NEBL: variants seen among roughly 807,000 people sequenced by gnomAD.
NEBL encodes the protein nebulette, also known as LIM and SH3 protein 2.
In NEBL, 122 loss-of-function variants were observed where a neutral mutation model predicts 140.2. The observed-to-expected ratio is 0.87, with a 90% CI of 0.75 to 1.01. The LOEUF (loss-of-function observed/expected upper bound fraction) is 1.01, where lower values mean the gene tolerates loss of function less well. NEBL is among the 50% of genes least tolerant of loss of function. NEBL has a pLI of 0.00. For missense variants in NEBL, 1,365 were observed against 1,231.3 expected, an observed-to-expected ratio of 1.11 and a Z score of -1.62; for synonymous variants, 436 against 398.9, an observed-to-expected ratio of 1.09 and a Z score of -1.11.
chr10:21,030,524 G>A, intron 2 of NEBL: 1 of 807,100 alleles, frequency 1.2e-6, no homozygotes. Flanking sequence ...TTGGTGAAGT[G>A]AGGTTCTAAC....
chr10:20,819,031 T>TTCA (rs1235832616), intron 20 of NEBL: 1 of 1,021,412 alleles, frequency 9.8e-7, no homozygotes, highest in Non-Finnish European at 1.2e-6. Context: ...AATGATATGA[T>TTCA]TCATCCATAT....
At chr10:21,035,471 T>G (rs1833977499) in intron 2 of NEBL, among the ~76,000 whole-genome samples, 1 of 152,250 alleles carries the variant, frequency 6.6e-6, no homozygotes, top group Non-Finnish European at 1.5e-5. Context: ...AATCACACTT[T>G]CTTCCTAGGT....
intron 1 of NEBL, among the ~76,000 whole-genome samples, chr10:21,274,569 G>T (rs1300700768): frequency 5.9e-5 from 9 of 152,078 alleles, no homozygotes. Flanking sequence ...GGGATTACAT[G>T]AATGCACCTC....
intron 2 of NEBL, among the ~76,000 whole-genome samples, chr10:21,105,984 T>G (rs1265393979): frequency 3.3e-5 from 5 of 152,104 alleles, no homozygotes; most frequent in Admixed American, 3.3e-4. Flanking sequence ...ATAAATGTCT[T>G]CTTCTGAGAG....
At chr10:21,083,122 C>T (rs1024451799) in intron 2 of NEBL, among the ~76,000 whole-genome samples, 1 of 152,188 alleles carries the variant, frequency 6.6e-6, no homozygotes, top group African/African-American at 2.4e-5. Flanking sequence ...TGAGGAGAAA[C>T]ATTTACACTT....
At chr10:20,921,918 AAT>A (rs1833606135) in intron 4 of NEBL, among the ~76,000 whole-genome samples, 1 of 152,208 alleles carries the variant, frequency 6.6e-6, no homozygotes, top group African/African-American at 2.4e-5. Flanking sequence ...TACATATAAA[AAT>A]ATGTGTGAAC....
chr10:20,997,682 A>T (rs1837729362), intron 3 of NEBL, among the ~76,000 whole-genome samples: 1 of 152,012 alleles, frequency 6.6e-6, no homozygotes, highest in African/African-American at 2.4e-5. Context: ...ATGTTTTTGA[A>T]ATGTGAATAA....
chr10:21,057,220 A>C (rs2131867382), intron 2 of NEBL, among the ~76,000 whole-genome samples: 1 of 152,256 alleles, frequency 6.6e-6, no homozygotes, highest in African/African-American at 2.4e-5. Flanking sequence ...TTCAGAGAAA[A>C]GGGAGATGAC....
intron 2 of NEBL, among the ~76,000 whole-genome samples, chr10:21,169,058 AAAAAAAAAAAT>A (rs1453271316): frequency 3.5e-5 from 2 of 56,804 alleles, no homozygotes; most frequent in African/African-American, 1.2e-4. Context: ...ACAAAAAAAA[AAAAAAAAAAAT>A]ATATATATAT....
At chr10:20,869,603 G>C in intron 6 of NEBL, 137 bp downstream of exon 6, 1 of 695,464 alleles carries the variant, frequency 1.4e-6, no homozygotes, top group Non-Finnish European at 2.6e-6. Context: ...AGATAATTTA[G>C]GGGGGGAAAT....
intron 5 of NEBL, among the ~76,000 whole-genome samples, chr10:20,877,338 A>G (rs905098200): frequency 6.6e-6 from 1 of 152,254 alleles, no homozygotes; most frequent in Non-Finnish European, 1.5e-5. Flanking sequence ...CGTGTGCCCA[A>G]GAAACATTTT....
At chr10:21,087,373 T>C (rs1268391488) in intron 2 of NEBL, among the ~76,000 whole-genome samples, 1 of 152,210 alleles carries the variant, frequency 6.6e-6, no homozygotes. Context: ...TTTTTATTGA[T>C]GACCCAAGTT....
chr10:21,284,317 C>A (rs1843029915), intron 1 of NEBL, among the ~76,000 whole-genome samples: 1 of 151,196 alleles, frequency 6.6e-6, no homozygotes, highest in Admixed American at 6.6e-5. Flanking sequence ...TTCAGCTGCA[C>A]TGAGCTTTTG....
intron 2 of NEBL, chr10:21,030,492 C>A: frequency 1.3e-6 from 1 of 794,680 alleles, no homozygotes. Flanking sequence ...GTAATGCCAG[C>A]CCCTCCACCA....
chr10:20,994,132 C>T lies in NEBL; in HGVS notation c.249+25985G>A, dbSNP rs181256337. Among the ~76,000 whole-genome samples the T allele has an allele frequency of 2.2e-3, 337 of 152,314 alleles. 1 individual carries two copies. Among genetic ancestry groups the T allele is most frequent in the Non-Finnish European group, 3.3e-3 (222 of 68,036 alleles). Reference sequence around the variant, plus strand: ...CTTCCCATCCCGTAATTTAAACTGTCTTTCAGTTCAGCCAGCTAAATCATG... The same window carrying T: ...CTTCCCATCCCGTAATTTAAACTGTTTTTCAGTTCAGCCAGCTAAATCATG... On this transcript the variant is annotated intron_variant, in intron 3 of 6. Transcript: ENST00000417816.
intron 3 of NEBL, among the ~76,000 whole-genome samples, chr10:21,016,231 G>T (rs1020625712): frequency 6.6e-6 from 1 of 152,236 alleles, no homozygotes; most frequent in Non-Finnish European, 1.5e-5. Context: ...GCAGTCAGAG[G>T]CTGGCCAAGT....
At position 21,173,935 on chromosome 10, in the gene NEBL, G is replaced by T; in HGVS notation, c.-102C>A. The T allele has an allele frequency of 1.5e-5, 21 of 1,403,760 alleles. No homozygotes were observed. The highest frequency in any genetic ancestry group is 1.9e-5 in the Non-Finnish European group (21 of 1,090,912). The allele number at this position is 1,403,760 out of a possible 1,614,324, so 87.0% of individuals were successfully genotyped here. Reference sequence around the variant, plus strand: ...CGCACCGCCTCCTGGCAGGCGGGAGGGCTGCGGGCGGCGGGCGCCGGGTAG... The same window carrying T: ...CGCACCGCCTCCTGGCAGGCGGGAGTGCTGCGGGCGGCGGGCGCCGGGTAG... On this transcript the variant is annotated 5_prime_UTR_variant, in exon 1 of 7. Coordinates refer to the NEBL transcript ENST00000417816. The surrounding 1 kb of genome is among the most constrained non-coding windows in gnomAD (Gnocchi z 5.7).
intron 3 of NEBL, among the ~76,000 whole-genome samples, chr10:21,198,371 C>T (rs971822618): frequency 1.6e-4 from 24 of 152,166 alleles, no homozygotes; most frequent in African/African-American, 5.6e-4. Flanking sequence ...GCTCTTTGGT[C>T]TTCAGGCTGC....
At chr10:20,978,279 A>C (rs72789354) in intron 3 of NEBL, among the ~76,000 whole-genome samples, 8,562 of 152,192 alleles carry the variant, frequency 0.056, 506 homozygotes, top group African/African-American at 0.15. Flanking sequence ...TGAATAGTCT[A>C]ATCAGAACAC....
Sources: allele counts gnomAD v4.1 joint callset (sites outside exome capture counted in the v4.1 genomes callset), GRCh38; gene constraint gnomAD v4.1.1; non-coding constraint Gnocchi (gnomAD v3.1); transcripts MANE v1.5; gene names NCBI Gene and HGNC (gene_info 2026-07-23, HGNC 2026-07-21).